The following MYT1L variants were observed in gnomAD, a reference collection of about 807,000 sequenced individuals.
MYT1L encodes the protein myelin transcription factor 1-like protein.
MYT1L carries 12 observed loss-of-function variants against 126.7 expected under a neutral mutation model. The ratio of observed to expected loss-of-function variants is 0.09; its 90% CI spans 0.06 to 0.15. The LOEUF (loss-of-function observed/expected upper bound fraction) is 0.15, where lower values mean the gene tolerates loss of function less well. Ranked by LOEUF, MYT1L falls within the 10% of genes least tolerant of loss-of-function variation. The pLI, the probability that MYT1L is intolerant of heterozygous loss-of-function variation, is 1.00. For synonymous variants in MYT1L, 541 were observed against 604.2 expected, an observed-to-expected ratio of 0.90 and a Z score of 1.53; for missense variants, 979 against 1,585.2, an observed-to-expected ratio of 0.62 and a Z score of 6.49.
At chr2:2,296,049 T>C (rs891086130) in intron 1 of MYT1L, among the ~76,000 whole-genome samples, 1 of 152,144 alleles carries the variant, frequency 6.6e-6, no homozygotes, top group Non-Finnish European at 1.5e-5. Flanking sequence ...CGGAGTTACA[T>C]TTTAAAAACT....
At chr2:1,842,179 C>T (rs2041819239) in intron 19 of MYT1L, 1 of 152,234 alleles carries the variant, frequency 6.6e-6, no homozygotes, top group Admixed American at 6.5e-5. Context: ...TTTTCTTGGT[C>T]AGTTCTGATT....
At chr2:1,855,842 T>G (rs1406711777) in intron 18 of MYT1L, among the ~76,000 whole-genome samples, 2 of 151,618 alleles carry the variant, frequency 1.3e-5, no homozygotes, top group African/African-American at 2.4e-5. Flanking sequence ...TTGCCTGAGA[T>G]TAAGAATTTA....
At chr2:1,792,244 C>T (rs2032239439) in intron 24 of MYT1L, 77 bp downstream of exon 24, 29 of 1,462,930 alleles carry the variant, frequency 2.0e-5, no homozygotes, top group South Asian at 1.4e-4. Flanking sequence ...ATGAAAATAA[C>T]GATAAAAACG....
chr2:1,883,644 C>T (rs972435489), intron 18 of MYT1L, among the ~76,000 whole-genome samples: 2 of 152,104 alleles, frequency 1.3e-5, no homozygotes, highest in Admixed American at 6.5e-5. Context: ...CCTGTGAGGT[C>T]GACTCCTAGA....
intron 2 of MYT1L, among the ~76,000 whole-genome samples, chr2:2,279,565 G>GAAGA (rs33920276): frequency 2.8e-5 from 2 of 71,740 alleles, no homozygotes; most frequent in East Asian, 2.8e-4. Context: ...AGGAATGAAT[G>GAAGA]AATGAAGGAA....
chr2:1,832,981 G>A (rs981689754), intron 21 of MYT1L, among the ~76,000 whole-genome samples: 10 of 152,194 alleles, frequency 6.6e-5, no homozygotes, highest in Non-Finnish European at 1.2e-4. Context: ...GGAGATCATC[G>A]GTGCTGGTGG....
chr2:2,215,682 C>T (rs1451298070), intron 2 of MYT1L, among the ~76,000 whole-genome samples: 1 of 152,148 alleles, frequency 6.6e-6, no homozygotes, highest in African/African-American at 2.4e-5. Flanking sequence ...CCAACTAAAC[C>T]TAACTGATGT....
intron 5 of MYT1L, among the ~76,000 whole-genome samples, chr2:1,990,005 A>C (rs2061347682): frequency 1.3e-5 from 2 of 152,234 alleles, no homozygotes; most frequent in African/African-American, 4.8e-5. Context: ...CTCAAAAAAA[A>C]CCAAACAACA....
At position 1,917,293 on chromosome 2, in the gene MYT1L, C is replaced by T; in HGVS notation, c.1530G>A (p.Gly510=). Residue 510 remains glycine, a synonymous_variant, in exon 11 of 25, where the codon GGG becomes GGA. Coordinates refer to ENST00000647738, the MANE Select transcript of MYT1L (RefSeq NM_001303052.2). This position sits in a 1 kb window ranked among gnomAD's most constrained non-coding sequence, Gnocchi z 5.9. ...CAGTTACGTGGCCGGTTCCATCACA[C>T]CCGGGGGTTGGACACTTGCTCTCTT... ...EKKESKCPTP[G]CDGTGHVTGL... is the part of the protein sequence containing the mutation. 2 of 1,613,190 alleles carry T rather than the reference C, an allele frequency of 1.2e-6. No homozygotes were observed. The highest frequency in any genetic ancestry group is 1.7e-6 in the Non-Finnish European group (2 of 1,179,268).
chr2:2,193,864 C>A (rs1324401945), intron 2 of MYT1L, among the ~76,000 whole-genome samples: 4 of 152,014 alleles, frequency 2.6e-5, no homozygotes, highest in Admixed American at 2.6e-4. Flanking sequence ...GGAGAAATTT[C>A]TTGAATATGA....
At chr2:2,007,089 G>T (rs1165931255) in intron 4 of MYT1L, among the ~76,000 whole-genome samples, 1 of 151,446 alleles carries the variant, frequency 6.6e-6, no homozygotes, top group Non-Finnish European at 1.5e-5. Context: ...CCATCCATTT[G>T]TCCATTAGGT....
rs369668763 is a variant in MYT1L at position 1,922,899 on chromosome 2, C to T, written c.870G>A (p.Ser290=). Residue 290 remains serine, a synonymous_variant, in exon 10 of 25, where the codon TCG becomes TCA. Transcript: ENST00000647738. This position sits in a 1 kb window ranked among gnomAD's most constrained non-coding sequence, Gnocchi z 7.4. The part of the protein sequence containing the change: ...MNDRNYADSM[S]QQDSRNMNYV... ...AATTCATATTTCTACTGTCTTGCTG[C>T]GACATGCTGTCTGCATAATTTCTGT... 9.4e-5 allele frequency: 151 copies of T among 1,613,878 alleles called. No homozygotes were observed. Among genetic ancestry groups the T allele is most frequent in the African/African-American group, 2.3e-4 (17 of 74,924 alleles).
intron 5 of MYT1L, among the ~76,000 whole-genome samples, chr2:1,983,627 G>A (rs573212622): frequency 2.6e-5 from 4 of 152,188 alleles, no homozygotes; most frequent in South Asian, 4.2e-4. Flanking sequence ...TCTCCTACCC[G>A]CCTGAAAAGA....
chr2:2,179,400 C>T (rs972724574), intron 2 of MYT1L, among the ~76,000 whole-genome samples: 5 of 152,202 alleles, frequency 3.3e-5, no homozygotes, highest in African/African-American at 1.2e-4. Context: ...CCCTACCAGA[C>T]CCCGAAACCT....
chr2:2,060,409 ATT>A (rs2070244102), intron 3 of MYT1L, among the ~76,000 whole-genome samples: 2 of 152,282 alleles, frequency 1.3e-5, no homozygotes, highest in South Asian at 4.2e-4. Flanking sequence ...TGTTTAATTT[ATT>A]TTGAGTTAAT....
At chr2:2,074,723 C>T (rs2075019322) in intron 3 of MYT1L, among the ~76,000 whole-genome samples, 1 of 152,116 alleles carries the variant, frequency 6.6e-6, no homozygotes, top group African/African-American at 2.4e-5. Flanking sequence ...TGAGATGAAA[C>T]AGCCCAAAAG....
intron 1 of MYT1L, among the ~76,000 whole-genome samples, chr2:2,307,798 C>G (rs1212538813): frequency 6.9e-6 from 1 of 145,980 alleles, no homozygotes; most frequent in African/African-American, 2.6e-5. Context: ...CTATACTCCA[C>G]CCATGTTTCA....
chr2:2,183,864 A>AAAGG (rs560396897), intron 2 of MYT1L, among the ~76,000 whole-genome samples: 3 of 141,698 alleles, frequency 2.1e-5, no homozygotes, highest in Admixed American at 7.0e-5. Flanking sequence ...AGGGAAGGAA[A>AAAGG]AAGGAAGGAA....
At chr2:2,254,949 A>G (rs1277886581) in intron 2 of MYT1L, among the ~76,000 whole-genome samples, 3 of 152,158 alleles carry the variant, frequency 2.0e-5, no homozygotes, top group South Asian at 2.1e-4. Context: ...TACATGTGCC[A>G]TATTCTTTCC....
Sources: gnomAD v4.1 joint callset for allele counts (sites outside exome capture counted in the v4.1 genomes callset) on GRCh38, gnomAD v4.1.1 for gene constraint, Gnocchi (gnomAD v3.1) non-coding constraint, MANE v1.5 for transcripts, NCBI Gene and HGNC (gene_info 2026-07-23, HGNC 2026-07-21) for gene names.